The following SMAD2 variants were observed in gnomAD, a reference collection of about 807,000 sequenced individuals.
SMAD2 encodes the protein SMAD family member 2.
In SMAD2, 8 loss-of-function variants were observed where a neutral mutation model predicts 64.4. That is an observed-to-expected ratio of 0.12 (90% CI 0.07 to 0.22). The LOEUF (loss-of-function observed/expected upper bound fraction) is 0.22. SMAD2 is among the 10% of genes least tolerant of loss of function. The probability of loss-of-function intolerance (pLI) is 1.00; values close to 1 mark genes in which losing one functional copy is unlikely to be tolerated. For synonymous variants in SMAD2, 203 were observed against 195.8 expected (o/e 1.04, Z -0.31); for missense variants, 289 against 561.2 (o/e 0.51, Z 4.90).
At position 47,821,570 on chromosome 18, in the gene SMAD2, T is replaced by A. The variant is rs1912577948; in HGVS notation, c.*20257A>T. Reference sequence around the variant, plus strand: ...CATTCCTCTATAAGGCGTACACTCATAACCTTGGAAATACTCTTCCTGTGT... The same window carrying A: ...CATTCCTCTATAAGGCGTACACTCAAAACCTTGGAAATACTCTTCCTGTGT... On this transcript the variant is annotated 3_prime_UTR_variant, in exon 11 of 11. Coordinates refer to ENST00000262160, the MANE Select transcript of SMAD2 (RefSeq NM_005901.6). 6.6e-6 allele frequency: 1 copy of A among 152,220 alleles called. No individual in the cohort carries two copies. The highest frequency in any genetic ancestry group is 2.4e-5 in the African/African-American group (1 of 41,462). The allele number at this position is 152,220 out of a possible 1,614,324, so 9.4% of individuals were successfully genotyped here.
chr18:47,929,145 A>T (rs2034894105), intron 1 of SMAD2, among the ~76,000 whole-genome samples: 1 of 152,214 alleles, frequency 6.6e-6, no homozygotes, highest in African/African-American at 2.4e-5. Context: ...ATTTTAAATT[A>T]CTTCTCCCAT....
intron 2 of SMAD2, among the ~76,000 whole-genome samples, chr18:47,885,111 G>C (rs983916147): frequency 1.4e-5 from 2 of 146,884 alleles, no homozygotes; most frequent in Admixed American, 1.4e-4. Context: ...ATAGCTTATC[G>C]ATTTTCTAGA....
chr18:47,854,870 TG>T (rs748874231), intron 6 of SMAD2, among the ~76,000 whole-genome samples: 9 of 152,164 alleles, frequency 5.9e-5, no homozygotes, highest in Admixed American at 2.6e-4. Context: ...TCATTATCAC[TG>T]AAAGTCCATA....
chr18:47,928,210 A>G (rs1352102632), intron 1 of SMAD2, among the ~76,000 whole-genome samples: 1 of 152,254 alleles, frequency 6.6e-6, no homozygotes, highest in Non-Finnish European at 1.5e-5. Context: ...TGTATAAAAA[A>G]GCTGCTACAA....
At position 47,838,574 on chromosome 18, in the gene SMAD2, A is replaced by G. The variant is rs1913653907; in HGVS notation, c.*3253T>C. The G allele has an allele frequency of 4.3e-6, 1 of 232,994 alleles. No individual in the cohort carries two copies. Among genetic ancestry groups the G allele is most frequent in the South Asian group, 1.8e-4 (1 of 5,528 alleles). The allele number at this position is 232,994 out of a possible 1,614,324, so 14.4% of individuals were successfully genotyped here. On this transcript the variant is annotated 3_prime_UTR_variant, in exon 11 of 11. Transcript: ENST00000262160. Reference sequence around the variant, plus strand: ...CAAATCTAATCATGAAAGCTTCTTTAAAGTAGGATAAAAAGAGCACAATCA... The same window carrying G: ...CAAATCTAATCATGAAAGCTTCTTTGAAGTAGGATAAAAAGAGCACAATCA...
rs1164249520 is a variant in SMAD2 at position 47,837,328 on chromosome 18, C to G, written c.*4499G>C. ...CTGTAATCCCAGCACTTTGGGAAGC[C>G]GAGGTGGACAGATCACGAGGTCAGG... On this transcript the variant is annotated 3_prime_UTR_variant, in exon 11 of 11. Transcript: ENST00000262160. 1 of 189,966 alleles carries G rather than the reference C, an allele frequency of 5.3e-6. No homozygotes were observed. Among genetic ancestry groups the G allele is most frequent in the Non-Finnish European group, 1.1e-5 (1 of 90,826 alleles). 11.8% of individuals were successfully genotyped at this position (189,966 alleles called of 1,614,324 possible).
intron 6 of SMAD2, among the ~76,000 whole-genome samples, chr18:47,864,223 C>CA (rs1254234300): frequency 6.6e-6 from 1 of 152,032 alleles, no homozygotes; most frequent in African/African-American, 2.4e-5. Flanking sequence ...CCTAAACACC[C>CA]AAATGTATGA....
intron 2 of SMAD2, among the ~76,000 whole-genome samples, chr18:47,883,319 T>A (rs1169364577): frequency 6.6e-6 from 1 of 152,222 alleles, no homozygotes; most frequent in East Asian, 1.9e-4. Context: ...GATGTCTTAT[T>A]GGTATTAATT....
At chr18:47,905,338 T>C (rs1012969583) in intron 1 of SMAD2, among the ~76,000 whole-genome samples, 1 of 152,156 alleles carries the variant, frequency 6.6e-6, no homozygotes, top group African/African-American at 2.4e-5. Flanking sequence ...GTTCATAGAC[T>C]TGAAGATTCA....
rs1295637130 is a variant in SMAD2 at position 47,818,020 on chromosome 18, A to G, written c.*23807T>C. Reference sequence around the variant, plus strand: ...TCAGCTATGTGGCTTTTCCTCATGCATGTTTTTGGATCAATGACCATCATA... The same window carrying G: ...TCAGCTATGTGGCTTTTCCTCATGCGTGTTTTTGGATCAATGACCATCATA... On this transcript the variant is annotated 3_prime_UTR_variant, in exon 11 of 11. Coordinates refer to ENST00000262160, the MANE Select transcript of SMAD2 (RefSeq NM_005901.6). 6.6e-6 allele frequency: 1 copy of G among 152,228 alleles called. No homozygotes were observed. The allele number at this position is 152,228 out of a possible 1,614,324, so 9.4% of individuals were successfully genotyped here. A position where few individuals can be genotyped will look rare whatever the true frequency, so the allele number is the denominator to read the frequency against.
intron 1 of SMAD2, among the ~76,000 whole-genome samples, chr18:47,914,745 C>A (rs373333185): frequency 1.8e-4 from 27 of 152,270 alleles, no homozygotes; most frequent in African/African-American, 6.5e-4. Flanking sequence ...TTAATTACTA[C>A]TGCTTTCTAG....
intron 1 of SMAD2, among the ~76,000 whole-genome samples, chr18:47,916,577 G>GT (rs149080871): frequency 0.015 from 2,310 of 152,162 alleles, 62 homozygotes; most frequent in African/African-American, 0.053. Flanking sequence ...GCTAATTTTT[G>GT]TATTTTTGAT....
chr18:47,927,795 A>G (rs900273109), intron 1 of SMAD2, among the ~76,000 whole-genome samples: 3 of 152,210 alleles, frequency 2.0e-5, no homozygotes, highest in Non-Finnish European at 2.9e-5. Context: ...GCTACTCAGG[A>G]GGCTGAGGCA....
At position 47,822,492 on chromosome 18, in the gene SMAD2, ATG is replaced by A. The variant is rs1447188253; in HGVS notation, c.*19333_*19334del. ...GTTACATGAGACTAAGTAACTGAAG[ATG>A]TGTCTGTGACTTTTATTTGAAGCAT... On this transcript the variant is annotated 3_prime_UTR_variant, in exon 11 of 11. Transcript: ENST00000262160. 1 of 152,222 alleles carries A rather than the reference ATG, an allele frequency of 6.6e-6. No individual in the cohort carries two copies. Among genetic ancestry groups the A allele is most frequent in the African/African-American group, 2.4e-5 (1 of 41,466 alleles). The allele number at this position is 152,222 out of a possible 1,614,324, so 9.4% of individuals were successfully genotyped here.
At chr18:47,929,754 C>T (rs1320175314) in intron 1 of SMAD2, among the ~76,000 whole-genome samples, 3 of 152,124 alleles carry the variant, frequency 2.0e-5, no homozygotes, top group Admixed American at 1.3e-4. Flanking sequence ...AAGACAATAT[C>T]CCCCTCCAAG....
chr18:47,914,667 T>C (rs1384465020), intron 1 of SMAD2, among the ~76,000 whole-genome samples: 1 of 102,736 alleles, frequency 9.7e-6, no homozygotes, highest in Non-Finnish European at 2.1e-5. Context: ...GCATAACAAA[T>C]TCCTACTAAA....
At chr18:47,858,911 T>C (rs1256039221) in intron 6 of SMAD2, among the ~76,000 whole-genome samples, 2 of 152,078 alleles carry the variant, frequency 1.3e-5, no homozygotes, top group Non-Finnish European at 2.9e-5. Context: ...CTAAAGCCAG[T>C]ATCAATAATC....
At chr18:47,916,305 C>A (rs11082640) in intron 1 of SMAD2, among the ~76,000 whole-genome samples, 63,942 of 151,812 alleles carry the variant, frequency 0.42, 14,333 homozygotes, top group East Asian at 0.59. Flanking sequence ...TAGAGTTAAT[C>A]CCTCACGTTT....
rs558891328 is a variant in SMAD2, at chr18:47,811,389, G to A, written c.*30438C>T. On this transcript the variant is annotated 3_prime_UTR_variant, in exon 11 of 11. Transcript: ENST00000262160. Reference sequence around the variant, plus strand: ...GGAGGCTGAGGGAGGAGAATGGTGTGAACCCAGGAGGCGGAGCTTGCAGTG... The same window carrying A: ...GGAGGCTGAGGGAGGAGAATGGTGTAAACCCAGGAGGCGGAGCTTGCAGTG... 6.9e-6 allele frequency: 1 copy of A among 145,520 alleles called. No homozygotes were observed. Among genetic ancestry groups the A allele is most frequent in the Admixed American group, 7.2e-5 (1 of 13,928 alleles). 9.0% of individuals were successfully genotyped at this position (145,520 alleles called of 1,614,324 possible).
Sources: allele counts gnomAD v4.1 joint callset (sites outside exome capture counted in the v4.1 genomes callset), GRCh38; gene constraint gnomAD v4.1.1; transcripts MANE v1.5; gene names NCBI Gene and HGNC (gene_info 2026-07-23, HGNC 2026-07-21).